Variants in ATP13A4 observed in about 807,000 individuals in gnomAD.
ATP13A4 encodes probable cation-transporting ATPase 13A4.
Under a neutral mutation model 142.5 loss-of-function variants are expected in ATP13A4, and 114 were observed. The ratio of observed to expected loss-of-function variants is 0.80; its 90% confidence interval spans 0.69 to 0.93. The LOEUF is 0.93. ATP13A4 is among the 40% of genes least tolerant of loss of function. The pLI is 0.00. For synonymous variants in ATP13A4, 488 were observed against 514.8 expected, an observed-to-expected ratio of 0.95 and a Z score of 0.70; for missense variants, 1,392 against 1,454.0, an observed-to-expected ratio of 0.96 and a Z score of 0.69.
intron 25 of ATP13A4, among the ~76,000 whole-genome samples, chr3:193,417,853 TG>T (rs1407722923): frequency 3.4e-5 from 5 of 146,332 alleles, no homozygotes; most frequent in Non-Finnish European, 7.4e-5. Flanking sequence ...CCGGGCGCGG[TG>T]GCTCACGCCT....
chr3:193,454,066 A>G, intron 17 of ATP13A4, 35 bp downstream of exon 17: 1 of 1,546,268 alleles, frequency 6.5e-7, no homozygotes. Flanking sequence ...CTTTCCATCA[A>G]ACCTTTCTGC....
At position 193,466,097 on chromosome 3, in the gene ATP13A4, C is replaced by A. The variant is rs145321639; in HGVS notation, c.1200G>T (p.Arg400Ser). 30 of 1,614,014 alleles carry A rather than the reference C, an allele frequency of 1.9e-5. No individual in the cohort carries two copies. The highest frequency in any genetic ancestry group is 4.5e-5 in the East Asian group (2 of 44,890). ...CTGTTCCTACAAGGCACAGGAGGAA[C>A]CTGATGGCATCCCTGTACAACTGAA... ...VNFQLYRDAIRFLLCLVGTAT... is the reference protein window; with the variant it reads ...VNFQLYRDAISFLLCLVGTAT... Residue 400 changes from arginine to serine, a missense_variant, in exon 11 of 30, where the codon AGG (arginine) becomes AGT (serine). Transcript: ENST00000342695.
chr3:193,502,615 T>C lies in ATP13A4; in HGVS notation c.259A>G (p.Lys87Glu). ...TTDEFQIYSW[K>E]KVIWIYLSAL... Reference sequence around the variant, plus strand: ...GACAGGTAGATCCATATTACCTTTTTCCAAGAGTAAATTTGGAATTCATCC... The same window carrying C: ...GACAGGTAGATCCATATTACCTTTTCCCAAGAGTAAATTTGGAATTCATCC... Residue 87 changes from lysine (K) to glutamate (E), a missense_variant, in exon 3 of 30, where the codon AAA becomes GAA. Transcript: ENST00000342695. 3.1e-6 allele frequency: 5 copies of C among 1,614,084 alleles called. No homozygotes were observed. The highest frequency in any genetic ancestry group is 2.2e-5 in the East Asian group (1 of 44,872).
At chr3:193,471,489 T>A (rs754108207) in intron 8 of ATP13A4, among the ~76,000 whole-genome samples, 2 of 152,078 alleles carry the variant, frequency 1.3e-5, no homozygotes, top group Non-Finnish European at 2.9e-5. Context: ...GGTGGGAACA[T>A]TGCTTAAATT....
At chr3:193,457,764 A>G (rs1266635241) in intron 14 of ATP13A4, among the ~76,000 whole-genome samples, 1 of 152,222 alleles carries the variant, frequency 6.6e-6, no homozygotes, top group Non-Finnish European at 1.5e-5. Context: ...CTTGAAAGCC[A>G]TGCACATGAA....
intron 8 of ATP13A4, among the ~76,000 whole-genome samples, chr3:193,476,995 C>T (rs963284717): frequency 3.3e-5 from 5 of 151,994 alleles, no homozygotes; most frequent in Admixed American, 6.6e-5. Context: ...AGACAGCACA[C>T]GCTTTTAGAA....
At chr3:193,493,730 A>G (rs1248936075) in intron 3 of ATP13A4, among the ~76,000 whole-genome samples, 1 of 152,144 alleles carries the variant, frequency 6.6e-6, no homozygotes, top group African/African-American at 2.4e-5. Flanking sequence ...GAAGCTAGAA[A>G]GGTAAACTGA....
chr3:193,522,441 A>T (rs1721775059), intron 1 of ATP13A4, among the ~76,000 whole-genome samples: 1 of 152,214 alleles, frequency 6.6e-6, no homozygotes, highest in Non-Finnish European at 1.5e-5. Context: ...AGGTAGTATC[A>T]GGCATGGATC....
intron 1 of ATP13A4, among the ~76,000 whole-genome samples, chr3:193,535,760 C>T (rs1186729637): frequency 4.0e-5 from 6 of 151,618 alleles, no homozygotes; most frequent in African/African-American, 1.5e-4. Context: ...GTAATATTGA[C>T]AAACCACTGG....
At chr3:193,523,210 A>G (rs1721818289) in intron 1 of ATP13A4, among the ~76,000 whole-genome samples, 2 of 152,126 alleles carry the variant, frequency 1.3e-5, no homozygotes, top group South Asian at 4.1e-4. Context: ...CAGCTGAGAC[A>G]GGAGAATCAC....
At chr3:193,404,320 G>T (rs780355455) in intron 29 of ATP13A4, among the ~76,000 whole-genome samples, 1 of 152,148 alleles carries the variant, frequency 6.6e-6, no homozygotes, top group Non-Finnish European at 1.5e-5. Flanking sequence ...CTTGCCTTCA[G>T]TGTTTTTTAG....
At chr3:193,413,356 A>T (rs988839007) in intron 26 of ATP13A4, among the ~76,000 whole-genome samples, 1 of 152,214 alleles carries the variant, frequency 6.6e-6, no homozygotes, top group African/African-American at 2.4e-5. Context: ...TTGATTGTAA[A>T]ACATGTGTGT....
intron 1 of ATP13A4, among the ~76,000 whole-genome samples, chr3:193,527,413 A>T (rs1722065940): frequency 6.6e-6 from 1 of 152,114 alleles, no homozygotes; most frequent in African/African-American, 2.4e-5. Flanking sequence ...TCAGTTCGAG[A>T]CTAGTCTGGA....
chr3:193,563,063 A>G lies in ATP13A4; in HGVS notation n.291+18644T>C, dbSNP rs560546124. 3.9e-5 allele frequency among the ~76,000 whole-genome samples: 6 copies of G among 152,266 alleles called. No individual in the cohort carries two copies. In the East Asian group the frequency reaches 1.2e-3, roughly 29 times the overall value. On this transcript the variant is annotated intron_variant and non_coding_transcript_variant, in intron 2 of 3. Coordinates refer to the ATP13A4 transcript ENST00000489140. ...AACAAATAAGATTGTATACATGCCC[A>G]GTCTCGTGTCAGACAAATTATAAGA...
rs1724584131 is a variant in ATP13A4, at chr3:193,582,693, TATA to T, written n.92-790_92-788del. Among the ~76,000 whole-genome samples, 5 of 66,968 alleles carry T rather than the reference TATA, an allele frequency of 7.5e-5. 1 individual carries two copies. The highest frequency in any genetic ancestry group is 1.3e-4 in the Non-Finnish European group (5 of 38,784). The allele number at this position is 66,968 out of a possible 152,430, so 43.9% of individuals were successfully genotyped here. A position where few individuals can be genotyped will look rare whatever the true frequency, so the allele number is the denominator to read the frequency against. On this transcript the variant is annotated intron_variant and non_coding_transcript_variant, in intron 1 of 3. Coordinates refer to the ATP13A4 transcript ENST00000489140. ...ATATTACATATATATTATATATGTG[TATA>T]ACATATATAATATATATGTATATTA...
Position 193,586,024 on chromosome 3 carries a change from G to A in ATP13A4, n.92-4118C>T, listed in dbSNP as rs992144110. The stretch of plus-strand genomic sequence containing the variant: ...TTTCTCCGATGACTAATAACATTGA[G>A]CACTTTGTGTTCATTGGCCAAATAT... On this transcript the variant is annotated intron_variant and non_coding_transcript_variant, in intron 1 of 3. Transcript: ENST00000489140. 3.3e-5 allele frequency among the ~76,000 whole-genome samples: 5 copies of A among 151,914 alleles called. No homozygotes were observed. In the East Asian group the frequency reaches 7.7e-4, roughly 23 times the overall value.
chr3:193,499,935 A>G (rs890919222), intron 3 of ATP13A4, among the ~76,000 whole-genome samples: 1 of 152,182 alleles, frequency 6.6e-6, no homozygotes, highest in East Asian at 1.9e-4. Flanking sequence ...AGAAAATTCC[A>G]TTATCTTCTG....
chr3:193,509,630 T>A (rs1250765028), intron 2 of ATP13A4, among the ~76,000 whole-genome samples: 1 of 152,222 alleles, frequency 6.6e-6, no homozygotes, highest in Non-Finnish European at 1.5e-5. Context: ...GTGAATAGTA[T>A]TTTAATACAC....
rs534614542 is a variant in ATP13A4, at chr3:193,415,830, T to G, written c.2843-1080A>C. Among the ~76,000 whole-genome samples, 444 of 152,304 alleles carry G rather than the reference T, an allele frequency of 2.9e-3. 1 individual carries two copies. The highest frequency in any genetic ancestry group is 4.3e-3 in the Non-Finnish European group (292 of 68,020). ...GCTAAGGAAATTTCCTTGGAGGAATTAGGGCAGTCTAAAGCATCTGTGTAT... is the reference window on the plus strand; with the variant it reads ...GCTAAGGAAATTTCCTTGGAGGAATGAGGGCAGTCTAAAGCATCTGTGTAT... On this transcript the variant is annotated intron_variant, in intron 25 of 29. Coordinates refer to ENST00000342695, the MANE Select transcript of ATP13A4 (RefSeq NM_032279.4).
Sources: gnomAD v4.1 joint callset for allele counts (sites outside exome capture counted in the v4.1 genomes callset) on GRCh38, gnomAD v4.1.1 for gene constraint, MANE v1.5 for transcripts, NCBI Gene and HGNC (gene_info 2026-07-23, HGNC 2026-07-21) for gene names.